The following PPP2CB variants were observed in gnomAD, a reference collection of about 807,000 sequenced individuals.
PPP2CB encodes the protein protein phosphatase 2 catalytic subunit beta.
PPP2CB carries 18 observed loss-of-function variants against 39.1 expected under a neutral mutation model. The observed-to-expected ratio is 0.46, with a 90% CI of 0.32 to 0.68. The LOEUF is 0.68. Ranked by LOEUF, PPP2CB falls within the 30% of genes least tolerant of loss-of-function variation. PPP2CB has a pLI of 0.04. For synonymous variants in PPP2CB, 129 were observed against 133.8 expected (o/e 0.96, Z 0.25); for missense variants, 226 against 396.9 (o/e 0.57, Z 3.66).
rs770428137 is a variant in PPP2CB, at chr8:30,794,297, CA to C, written c.487-17del. ...GGCAGAATATCTATGTATGAATTAA[CA>C]AAAGAGAATGTATTTGTTTTACTAA... On this transcript the variant is annotated splice_polypyrimidine_tract_variant and intron_variant, in intron 3 of 6. Transcript: ENST00000221138. 6.3e-7 allele frequency: 1 copy of C among 1,584,150 alleles called. No individual in the cohort carries two copies. Among genetic ancestry groups the C allele is most frequent in the Non-Finnish European group, 8.7e-7 (1 of 1,154,600 alleles).
chr8:30,786,838 A>AT (rs113733552), intron 6 of PPP2CB, among the ~76,000 whole-genome samples: 39,381 of 149,254 alleles, frequency 0.26, 7,277 homozygotes, highest in African/African-American at 0.52. Context: ...TAATTTTCTT[A>AT]TTTTTTTTTA....
At chr8:30,808,343 C>A (rs1335456624) in intron 1 of PPP2CB, among the ~76,000 whole-genome samples, 1 of 152,024 alleles carries the variant, frequency 6.6e-6, no homozygotes, top group Non-Finnish European at 1.5e-5. Context: ...AGACAATCCG[C>A]CCACCTCGAC....
At chr8:30,794,669 C>A (rs746885977) in intron 3 of PPP2CB, among the ~76,000 whole-genome samples, 1 of 152,092 alleles carries the variant, frequency 6.6e-6, no homozygotes, top group Non-Finnish European at 1.5e-5. Flanking sequence ...CAGCCTTGAT[C>A]ACTGCGCAAT....
intron 2 of PPP2CB, among the ~76,000 whole-genome samples, chr8:30,798,826 G>A (rs1806569090): frequency 6.6e-6 from 1 of 152,214 alleles, no homozygotes; most frequent in Admixed American, 6.5e-5. Flanking sequence ...AGGCTAAAAT[G>A]GTTGAAGGTT....
At chr8:30,801,426 G>C (rs1373258275) in intron 1 of PPP2CB, among the ~76,000 whole-genome samples, 1 of 152,046 alleles carries the variant, frequency 6.6e-6, no homozygotes, top group Non-Finnish European at 1.5e-5. Flanking sequence ...CAGCTACTCA[G>C]GAGGCTGAGG....
At chr8:30,795,674 G>GAACA (rs1806511481) in intron 3 of PPP2CB, among the ~76,000 whole-genome samples, 1 of 152,074 alleles carries the variant, frequency 6.6e-6, no homozygotes, top group Admixed American at 6.6e-5. Context: ...TTCCTTAAAG[G>GAACA]TTTGGTAGAA....
intron 1 of PPP2CB, among the ~76,000 whole-genome samples, chr8:30,803,757 T>G (rs992780356): frequency 7.2e-6 from 1 of 138,292 alleles, no homozygotes; most frequent in African/African-American, 3.2e-5. Flanking sequence ...AAATAAGACC[T>G]TAAACATTTT....
Position 30,785,621 on chromosome 8 carries a change from G to A in PPP2CB, c.*614C>T, listed in dbSNP as rs1331252721. ...CACAACACAATAAATGAATGTTTTT[G>A]TTTAAAATGAAAAGTTTATTTGCTG... On this transcript the variant is annotated 3_prime_UTR_variant, in exon 7 of 7. Transcript: ENST00000221138. The A allele has an allele frequency of 1.1e-5, 2 of 177,454 alleles. No homozygotes were observed. Among genetic ancestry groups the A allele is most frequent in the Non-Finnish European group, 1.2e-5 (1 of 84,138 alleles). 11.0% of individuals were successfully genotyped at this position (177,454 alleles called of 1,614,324 possible).
intron 3 of PPP2CB, 61 bp downstream of exon 3, chr8:30,797,520 C>T: frequency 2.0e-6 from 3 of 1,469,604 alleles, no homozygotes; most frequent in Non-Finnish European, 1.8e-6. Context: ...CCCCAGCTTA[C>T]CAATAGTCAA....
chr8:30,793,564 T>C (rs1419190680), intron 5 of PPP2CB: 1 of 178,416 alleles, frequency 5.6e-6, no homozygotes, highest in Non-Finnish European at 1.2e-5. Context: ...AGTATCTGTC[T>C]GCAACAGATA....
chr8:30,802,241 C>T (rs1224440633), intron 1 of PPP2CB, among the ~76,000 whole-genome samples: 2 of 152,106 alleles, frequency 1.3e-5, no homozygotes, highest in Admixed American at 6.6e-5. Flanking sequence ...CCTTTATACC[C>T]TTCAGTTTCT....
rs1021262873 is a variant in PPP2CB, at chr8:30,786,130, T to C, written c.*105A>G. 4.9e-6 allele frequency: 5 copies of C among 1,013,756 alleles called. No homozygotes were observed. The highest frequency in any genetic ancestry group is 2.9e-6 in the Non-Finnish European group (2 of 680,544). The allele number at this position is 1,013,756 out of a possible 1,614,324, so 62.8% of individuals were successfully genotyped here. ...TTTAATGCCAAGACAGATCCCAATT[T>C]GTTACAGAAACACATAGATTACTGT... On this transcript the variant is annotated 3_prime_UTR_variant, in exon 7 of 7. Transcript: ENST00000221138.
At chr8:30,805,823 C>T (rs1464927221) in intron 1 of PPP2CB, among the ~76,000 whole-genome samples, 1 of 152,130 alleles carries the variant, frequency 6.6e-6, no homozygotes, top group South Asian at 2.1e-4. Context: ...TATTATAACG[C>T]AAGTCAGGAA....
At chr8:30,786,510 A>C (rs1190600735) in intron 6 of PPP2CB, 2 of 339,880 alleles carry the variant, frequency 5.9e-6, no homozygotes, top group Non-Finnish European at 9.9e-6. Context: ...GTGAAAATTT[A>C]AGAAGACAGA....
chr8:30,807,995 T>G (rs1806752320), intron 1 of PPP2CB, among the ~76,000 whole-genome samples: 1 of 152,212 alleles, frequency 6.6e-6, no homozygotes, highest in African/African-American at 2.4e-5. Context: ...TACTCTTTAT[T>G]TTTTGTAGTC....
intron 2 of PPP2CB, among the ~76,000 whole-genome samples, chr8:30,798,813 A>G (rs1474419383): frequency 6.6e-6 from 1 of 152,254 alleles, no homozygotes; most frequent in Non-Finnish European, 1.5e-5. Context: ...AGCAGAAGGA[A>G]TAAGGCTAAA....
intron 6 of PPP2CB, among the ~76,000 whole-genome samples, chr8:30,788,267 G>GT (rs550372112): frequency 4.2e-5 from 6 of 144,406 alleles, no homozygotes; most frequent in East Asian, 4.1e-4. Flanking sequence ...TTTTTTTTTT[G>GT]TTTTTTTCTT....
At chr8:30,794,422 C>G (rs977868855) in intron 3 of PPP2CB, 141 bp from the exon 4 acceptor site, 1 of 723,458 alleles carries the variant, frequency 1.4e-6, no homozygotes, top group Admixed American at 2.8e-5. Flanking sequence ...TCTTCTTTAC[C>G]CCTTCTCTGG....
intron 5 of PPP2CB, among the ~76,000 whole-genome samples, chr8:30,791,905 T>C (rs748236250): frequency 6.6e-6 from 1 of 151,924 alleles, no homozygotes; most frequent in African/African-American, 2.4e-5. Flanking sequence ...TGTATATACA[T>C]GTGTATATAC....
Sources: gnomAD v4.1 joint callset for allele counts (sites outside exome capture counted in the v4.1 genomes callset) on GRCh38, gnomAD v4.1.1 for gene constraint, MANE v1.5 for transcripts, NCBI Gene and HGNC (gene_info 2026-07-23, HGNC 2026-07-21) for gene names.